The following ARHGEF10 variants were observed in gnomAD, a reference collection of about 807,000 sequenced individuals.
ARHGEF10 encodes Rho guanine nucleotide exchange factor (GEF) 10.
ARHGEF10 carries 140 observed loss-of-function variants against 147.4 expected under a neutral mutation model. The observed-to-expected ratio is 0.95, with a 90% CI of 0.83 to 1.09. ARHGEF10 has a LOEUF of 1.09. Ranked by LOEUF, ARHGEF10 falls within the 50% of genes least tolerant of loss-of-function variation. The pLI is 0.00. For missense variants in ARHGEF10, 2,222 were observed against 1,752.7 expected, an observed-to-expected ratio of 1.27 and a Z score of -4.78; for synonymous variants, 902 against 695.8, an observed-to-expected ratio of 1.30 and a Z score of -4.67.
Position 1,957,975 on chromosome 8 carries a change from A to G in ARHGEF10, c.*712A>G, listed in dbSNP as rs1219677923. 6.6e-6 allele frequency: 1 copy of G among 152,274 alleles called. No homozygotes were observed. Among genetic ancestry groups the G allele is most frequent in the East Asian group, 1.9e-4 (1 of 5,204 alleles). 9.4% of individuals were successfully genotyped at this position (152,274 alleles called of 1,614,324 possible). A position where few individuals can be genotyped will look rare whatever the true frequency, so the allele number is the denominator to read the frequency against. On this transcript the variant is annotated 3_prime_UTR_variant, in exon 29 of 29. Coordinates refer to ENST00000349830, the MANE Select transcript of ARHGEF10 (RefSeq NM_014629.4). ...ACAAATAATGTTTGCTTTGAACCAA[A>G]ATGCTCAGTGCCTATCAACATTTGG...
intron 4 of ARHGEF10, among the ~76,000 whole-genome samples, chr8:1,863,011 C>A (rs1295834355): frequency 1.3e-5 from 2 of 152,014 alleles, no homozygotes; most frequent in African/African-American, 4.8e-5. Context: ...ACTTGATCTC[C>A]TGACCTCGTG....
intron 2 of ARHGEF10, among the ~76,000 whole-genome samples, chr8:1,856,321 G>A (rs939666150): frequency 1.3e-5 from 2 of 152,158 alleles, no homozygotes; most frequent in African/African-American, 4.8e-5. Context: ...AAGCTCGTGG[G>A]GTCCCCAGGT....
At chr8:1,953,428 G>A (rs1815222262) in intron 28 of ARHGEF10, among the ~76,000 whole-genome samples, 1 of 152,182 alleles carries the variant, frequency 6.6e-6, no homozygotes, top group South Asian at 2.1e-4. Flanking sequence ...GATCCGAAAA[G>A]GCTCCATTGT....
chr8:1,837,631 C>T (rs188344069), intron 1 of ARHGEF10, among the ~76,000 whole-genome samples: 2 of 152,154 alleles, frequency 1.3e-5, no homozygotes, highest in African/African-American at 4.8e-5. Context: ...CATTCTTGAA[C>T]AGACGCGGCA....
chr8:1,860,385 C>T (rs551355759), intron 4 of ARHGEF10, among the ~76,000 whole-genome samples: 43 of 138,372 alleles, frequency 3.1e-4, no homozygotes, highest in African/African-American at 1.2e-3. Flanking sequence ...CCGGGCCTAA[C>T]CTTCCCCCCT....
At chr8:1,907,565 A>G (rs1406094737) in intron 17 of ARHGEF10, among the ~76,000 whole-genome samples, 1 of 152,224 alleles carries the variant, frequency 6.6e-6, no homozygotes, top group African/African-American at 2.4e-5. Flanking sequence ...GGGGAGCGCC[A>G]GGACACACTT....
At chr8:1,885,843 T>G (rs1407673090) in intron 11 of ARHGEF10, 136 bp downstream of exon 11, 2 of 750,098 alleles carry the variant, frequency 2.7e-6, no homozygotes, top group Admixed American at 2.0e-5. Context: ...CACTGTAGGT[T>G]CCTGGCCCAG....
At chr8:1,859,182 T>C (rs1805872701) in intron 3 of ARHGEF10, among the ~76,000 whole-genome samples, 1 of 151,446 alleles carries the variant, frequency 6.6e-6, no homozygotes, top group Non-Finnish European at 1.5e-5. Flanking sequence ...AGCACCAGCC[T>C]CTCGGTTGTT....
rs755741477 is a variant in ARHGEF10 at position 1,929,324 on chromosome 8, T to G, written c.2960T>G (p.Val987Gly). ...IYKSSQGSKK[V>G]RLQHFFTPEK... ...AAAAGCAGTCAAGGCTCCAAGAAAG[T>G]GAGACTTCAGCACTTTTTCACTCCT... Residue 987 changes from valine (V) to glycine (G), a missense_variant, in exon 25 of 29, where the codon GTG becomes GGG. By Grantham distance (109) the Val-to-Gly change is moderately radical. Coordinates refer to ENST00000349830, the MANE Select transcript of ARHGEF10 (RefSeq NM_014629.4). 9.9e-6 allele frequency: 16 copies of G among 1,614,114 alleles called. No individual in the cohort carries two copies. The East Asian group carries it at 3.6e-4, about 36-fold the overall frequency.
At chr8:1,875,475 G>A (rs1188756739) in intron 7 of ARHGEF10, among the ~76,000 whole-genome samples, 1 of 152,168 alleles carries the variant, frequency 6.6e-6, no homozygotes, top group East Asian at 1.9e-4. Flanking sequence ...ATTGTGCAAG[G>A]ACTTGACCCA....
In ARHGEF10 at chr8:1,958,557, A is replaced by T. The variant is rs1052466064; in HGVS notation, c.*1294A>T. ...ATGTTCTAGGTTGCATATATCCCCC[A>T]TGTGAAAGTGATTTCTTCCCAAGCT... On this transcript the variant is annotated 3_prime_UTR_variant, in exon 29 of 29. Coordinates refer to ENST00000349830, the MANE Select transcript of ARHGEF10 (RefSeq NM_014629.4). 2 of 152,222 alleles carry T rather than the reference A, an allele frequency of 1.3e-5. No individual in the cohort carries two copies. The highest frequency in any genetic ancestry group is 2.9e-5 in the Non-Finnish European group (2 of 68,040). The allele number at this position is 152,222 out of a possible 1,614,324, so 9.4% of individuals were successfully genotyped here.
At chr8:1,932,258 C>G (rs1280982615) in intron 25 of ARHGEF10, among the ~76,000 whole-genome samples, 2 of 21,064 alleles carry the variant, frequency 9.5e-5, no homozygotes, top group African/African-American at 3.4e-4. Context: ...TGTGTATGCA[C>G]AGGAGTGTGA....
intron 18 of ARHGEF10, among the ~76,000 whole-genome samples, chr8:1,921,110 G>C (rs1280454944): frequency 1.8e-4 from 28 of 152,130 alleles, no homozygotes. Context: ...GAAACTTCAT[G>C]ATACTTCAAA....
At chr8:1,934,525 C>T (rs1813416032) in intron 26 of ARHGEF10, among the ~76,000 whole-genome samples, 1 of 152,060 alleles carries the variant, frequency 6.6e-6, no homozygotes, top group Non-Finnish European at 1.5e-5. Flanking sequence ...CAGTATGAAC[C>T]TGTAGAGTCC....
chr8:1,920,110 C>T (rs905248295), intron 18 of ARHGEF10, among the ~76,000 whole-genome samples: 22 of 152,140 alleles, frequency 1.4e-4, no homozygotes, highest in African/African-American at 5.1e-4. Flanking sequence ...TGGAGCTGTT[C>T]TGTGGGTGAT....
At chr8:1,850,160 GGACACAGAGGGCAAAT>G (rs1804978465) in intron 2 of ARHGEF10, among the ~76,000 whole-genome samples, 1 of 144,534 alleles carries the variant, frequency 6.9e-6, no homozygotes, top group African/African-American at 2.5e-5. Context: ...GCGGCCACGT[GGACACAGAGGGCAAAT>G]GCTGAGGAGG....
At chr8:1,928,691 T>G in intron 24 of ARHGEF10, 41 bp downstream of exon 24, 82 of 1,599,428 alleles carry the variant, frequency 5.1e-5, no homozygotes, top group Non-Finnish European at 6.6e-5. Context: ...TAGCAAGCTC[T>G]GCCCATGGAG....
chr8:1,904,651 A>T (rs1810737925), intron 16 of ARHGEF10, among the ~76,000 whole-genome samples: 4 of 152,168 alleles, frequency 2.6e-5, no homozygotes, highest in Admixed American at 2.0e-4. Context: ...AGAGGGGATG[A>T]TGCTTCGCAC....
At position 1,877,622 on chromosome 8, in the gene ARHGEF10, G is replaced by A. The variant is rs4875942; in HGVS notation, c.843+888G>A. ...AGGTGGGATGTCAGAGCTGTAAGGC[G>A]TGAATTCTGGAATTGGGTGGTTGTG... On this transcript the variant is annotated intron_variant, in intron 8 of 28. Transcript: ENST00000349830. Among the ~76,000 whole-genome samples the A allele has an allele frequency of 5.3e-3, 799 of 151,188 alleles. 48 individuals carry two copies. The East Asian group carries it at 0.13, about 24-fold the overall frequency.
Sources: gnomAD v4.1 joint callset for allele counts (sites outside exome capture counted in the v4.1 genomes callset) on GRCh38, gnomAD v4.1.1 for gene constraint, MANE v1.5 for transcripts, NCBI Gene and HGNC (gene_info 2026-07-23, HGNC 2026-07-21) for gene names.